Variants in FLRT2 observed in about 807,000 individuals in gnomAD.
The protein encoded by FLRT2 is fibronectin leucine rich transmembrane protein 2.
FLRT2 carries 15 observed loss-of-function variants against 40.0 expected under a neutral mutation model. The observed-to-expected ratio is 0.38, with a 90% CI of 0.25 to 0.58. FLRT2 has a LOEUF of 0.58. Among genes scored for constraint, FLRT2 ranks in the 20% least tolerant of loss-of-function variants. FLRT2 has a pLI of 0.71. For synonymous variants in FLRT2, 380 were observed against 336.8 expected (o/e 1.13, Z -1.41); for missense variants, 726 against 840.0 (o/e 0.86, Z 1.68).
intron 1 of FLRT2, among the ~76,000 whole-genome samples, chr14:85,595,842 C>A (rs4899874): frequency 0.15 from 22,414 of 152,156 alleles, 2,031 homozygotes; most frequent in East Asian, 0.43. Flanking sequence ...TTCTGGTTTG[C>A]TATGTTTTCT....
Position 85,641,361 on chromosome 14 carries a change from C to T in FLRT2, c.*17864C>T, listed in dbSNP as rs1037926258. 6.6e-6 allele frequency: 1 copy of T among 152,170 alleles called. No homozygotes were observed. Among genetic ancestry groups the T allele is most frequent in the African/African-American group, 2.4e-5 (1 of 41,446 alleles). 9.4% of individuals were successfully genotyped at this position (152,170 alleles called of 1,614,324 possible). A position where few individuals can be genotyped will look rare whatever the true frequency, so the allele number is the denominator to read the frequency against. ...AATTAGGTTCTACCAATTACAGGCA[C>T]GTGTGCAGGATTTTCAAGGTAGAAG... is the stretch of plus-strand genomic sequence containing the variant. On this transcript the variant is annotated 3_prime_UTR_variant, in exon 2 of 2. Transcript: ENST00000330753.
rs1036239191 is a variant in FLRT2, at chr14:85,640,037, A to G, written c.*16540A>G. 1.3e-5 allele frequency: 2 copies of G among 151,846 alleles called. No individual in the cohort carries two copies. Among genetic ancestry groups the G allele is most frequent in the Non-Finnish European group, 2.9e-5 (2 of 68,030 alleles). The allele number at this position is 151,846 out of a possible 1,614,324, so 9.4% of individuals were successfully genotyped here. ...CTAATATTTTGTATTTTTAGTAGAG[A>G]CGAGGTTTCACCGTGTTAGCCAGGA... On this transcript the variant is annotated 3_prime_UTR_variant, in exon 2 of 2. Transcript: ENST00000330753.
In FLRT2 at chr14:85,623,674, C is replaced by G. The variant is rs1376859860; in HGVS notation, c.*177C>G. The G allele has an allele frequency of 2.1e-6, 1 of 477,244 alleles. No homozygotes were observed. Among genetic ancestry groups the G allele is most frequent in the Non-Finnish European group, 3.6e-6 (1 of 279,754 alleles). 29.6% of individuals were successfully genotyped at this position (477,244 alleles called of 1,614,324 possible). On this transcript the variant is annotated 3_prime_UTR_variant, in exon 2 of 2. Transcript: ENST00000330753. ...TAATGGGATTTAAAAAAAGTGCTAT[C>G]TTTTCTATTTCAAGTTAATTACAAA...
chr14:85,607,670 G>C (rs562336275), intron 1 of FLRT2, among the ~76,000 whole-genome samples: 37 of 152,296 alleles, frequency 2.4e-4, no homozygotes, highest in Non-Finnish European at 4.6e-4. Flanking sequence ...CCTTCTATGA[G>C]AGTTGGTTGT....
chr14:85,650,077 G>C lies in FLRT2; in HGVS notation c.*26580G>C, dbSNP rs1490208282. 2 of 151,892 alleles carry C rather than the reference G, an allele frequency of 1.3e-5. No homozygotes were observed. Among genetic ancestry groups the C allele is most frequent in the Non-Finnish European group, 1.5e-5 (1 of 67,942 alleles). 9.4% of individuals were successfully genotyped at this position (151,892 alleles called of 1,614,324 possible). A position where few individuals can be genotyped will look rare whatever the true frequency, so the allele number is the denominator to read the frequency against. On this transcript the variant is annotated 3_prime_UTR_variant, in exon 2 of 2. Coordinates refer to ENST00000330753, the MANE Select transcript of FLRT2 (RefSeq NM_013231.6). The stretch of plus-strand genomic sequence containing the variant: ...TTCATTAAAAATTACAAATACAATT[G>C]AAGCCCTTGAACCCCTCACCTGTCA...
intron 1 of FLRT2, among the ~76,000 whole-genome samples, chr14:85,594,899 T>C (rs1892062368): frequency 6.6e-6 from 1 of 152,186 alleles, no homozygotes; most frequent in Non-Finnish European, 1.5e-5. Flanking sequence ...ATATGTATTA[T>C]TGACAGTATT....
chr14:85,530,914 A>G (rs1454531623), intron 1 of FLRT2, among the ~76,000 whole-genome samples: 2 of 151,604 alleles, frequency 1.3e-5, no homozygotes, highest in Middle Eastern at 3.2e-3. Flanking sequence ...ACCAGTAACA[A>G]CCCTCTCCCC....
chr14:85,541,714 C>T (rs1238693261), intron 1 of FLRT2, among the ~76,000 whole-genome samples: 1 of 152,166 alleles, frequency 6.6e-6, no homozygotes, highest in African/African-American at 2.4e-5. Flanking sequence ...CTTCTACTGA[C>T]TTGTCTCAGT....
Position 85,640,612 on chromosome 14 carries a change from T to G in FLRT2, c.*17115T>G, listed in dbSNP as rs1229644885. 1 of 152,210 alleles carries G rather than the reference T, an allele frequency of 6.6e-6. No homozygotes were observed. Among genetic ancestry groups the G allele is most frequent in the Non-Finnish European group, 1.5e-5 (1 of 68,030 alleles). The allele number at this position is 152,210 out of a possible 1,614,324, so 9.4% of individuals were successfully genotyped here. A position where few individuals can be genotyped will look rare whatever the true frequency, so the allele number is the denominator to read the frequency against. On this transcript the variant is annotated 3_prime_UTR_variant, in exon 2 of 2. Coordinates refer to ENST00000330753, the MANE Select transcript of FLRT2 (RefSeq NM_013231.6). ...TCTGTACCATGATTGAACTACTTGC[T>G]GCCATAAATTTTTTACTATTGAATA... is the stretch of plus-strand genomic sequence containing the variant.
intron 1 of FLRT2, among the ~76,000 whole-genome samples, chr14:85,593,477 T>TGATTTGATAA (rs71120526): frequency 6.6e-6 from 1 of 151,574 alleles, no homozygotes; most frequent in South Asian, 2.1e-4. Context: ...GAAACTCTGT[T>TGATTTGATAA]GATTGAAAAT....
At chr14:85,597,575 A>T (rs7149791) in intron 1 of FLRT2, among the ~76,000 whole-genome samples, 45,013 of 152,020 alleles carry the variant, frequency 0.3, 7,463 homozygotes, top group Non-Finnish European at 0.37. Context: ...TATTTACTTA[A>T]GATGGAGTTT....
In FLRT2 at chr14:85,639,850, C is replaced by CA. The variant is rs1566773402; in HGVS notation, c.*16353_*16354insA. ...AGAAATTCTTTATTTTTTTTTTTTT[C>CA]CTTTTTTTTTTTTTTTGAGACAGTG... On this transcript the variant is annotated 3_prime_UTR_variant, in exon 2 of 2. Coordinates refer to ENST00000330753, the MANE Select transcript of FLRT2 (RefSeq NM_013231.6). 1 of 53,932 alleles carries CA rather than the reference C, an allele frequency of 1.9e-5. No homozygotes were observed. Among genetic ancestry groups the CA allele is most frequent in the Non-Finnish European group, 3.7e-5 (1 of 26,998 alleles). The allele number at this position is 53,932 out of a possible 1,614,324, so 3.3% of individuals were successfully genotyped here.
Position 85,625,239 on chromosome 14 carries a change from TA to T in FLRT2, c.*1743del, listed in dbSNP as rs1192168961. ...TTTAAACATTTCACTCTGTGCTGCA[TA>T]TTTCTTTTACCATTGACCATTATTA... On this transcript the variant is annotated 3_prime_UTR_variant, in exon 2 of 2. Transcript: ENST00000330753. The T allele has an allele frequency of 1.2e-5, 2 of 167,056 alleles. No individual in the cohort carries two copies. Among genetic ancestry groups the T allele is most frequent in the Admixed American group, 6.5e-5 (1 of 15,286 alleles). 10.3% of individuals were successfully genotyped at this position (167,056 alleles called of 1,614,324 possible).
intron 1 of FLRT2, among the ~76,000 whole-genome samples, chr14:85,586,092 ATATT>A (rs1891601862): frequency 6.7e-6 from 1 of 148,280 alleles, no homozygotes; most frequent in Non-Finnish European, 1.5e-5. Context: ...TAGTCAGTGT[ATATT>A]TATTATATTT....
intron 1 of FLRT2, among the ~76,000 whole-genome samples, chr14:85,574,250 T>TA (rs919566257): frequency 1.3e-5 from 2 of 150,856 alleles, no homozygotes; most frequent in Admixed American, 1.3e-4. Context: ...TATATATAAA[T>TA]AAAAAACATA....
At chr14:85,583,720 C>T (rs1207442622) in intron 1 of FLRT2, among the ~76,000 whole-genome samples, 1 of 152,096 alleles carries the variant, frequency 6.6e-6, no homozygotes, top group Non-Finnish European at 1.5e-5. Flanking sequence ...ATGTTGATTG[C>T]CATGCCCTAG....
intron 1 of FLRT2, among the ~76,000 whole-genome samples, chr14:85,537,496 A>G (rs997214360): frequency 1.3e-5 from 2 of 152,238 alleles, no homozygotes; most frequent in African/African-American, 4.8e-5. Flanking sequence ...TTGTGCAATT[A>G]TATCTTTCTT....
Position 85,639,174 on chromosome 14 carries a change from G to A in FLRT2, c.*15677G>A, listed in dbSNP as rs1894084367. 6.6e-6 allele frequency: 1 copy of A among 152,118 alleles called. No homozygotes were observed. Among genetic ancestry groups the A allele is most frequent in the South Asian group, 2.1e-4 (1 of 4,824 alleles). 9.4% of individuals were successfully genotyped at this position (152,118 alleles called of 1,614,324 possible). On this transcript the variant is annotated 3_prime_UTR_variant, in exon 2 of 2. Coordinates refer to ENST00000330753, the MANE Select transcript of FLRT2 (RefSeq NM_013231.6). ...TTAAGGATACCTGCAGGATCCCACA[G>A]GTTTTCTCAGGGATTTGCTGGAAGC...
At position 85,643,326 on chromosome 14, in the gene FLRT2, T is replaced by C. The variant is rs1313332818; in HGVS notation, c.*19829T>C. 3.9e-4 allele frequency: 44 copies of C among 114,078 alleles called. No homozygotes were observed. The South Asian group carries it at 6.7e-3, about 17-fold the overall frequency. 7.1% of individuals were successfully genotyped at this position (114,078 alleles called of 1,614,324 possible). On this transcript the variant is annotated 3_prime_UTR_variant, in exon 2 of 2. Transcript: ENST00000330753. ...TTCTTTCTTTCTTTCTTTCTTTCTTTCTTTCTTTCTTTCTTTCTTTCTTTC... is the reference window on the plus strand; with the variant it reads ...TTCTTTCTTTCTTTCTTTCTTTCTTCCTTTCTTTCTTTCTTTCTTTCTTTC...
Sources: allele counts gnomAD v4.1 joint callset (sites outside exome capture counted in the v4.1 genomes callset), GRCh38; gene constraint gnomAD v4.1.1; transcripts MANE v1.5; gene names NCBI Gene and HGNC (gene_info 2026-07-23, HGNC 2026-07-21).